CDC42BPA: variants seen among roughly 807,000 people sequenced by gnomAD.
CDC42BPA encodes CDC42 binding protein kinase alpha.
Under a neutral mutation model 223.5 loss-of-function variants are expected in CDC42BPA, and 80 were observed. The observed-to-expected ratio is 0.36, with a 90% CI of 0.30 to 0.43. The LOEUF (loss-of-function observed/expected upper bound fraction) is 0.43, where lower values mean the gene tolerates loss of function less well. Among genes scored for constraint, CDC42BPA ranks in the 20% least tolerant of loss-of-function variants. The pLI is 1.00. For synonymous variants in CDC42BPA, 694 were observed against 718.6 expected (o/e 0.97, Z 0.55); for missense variants, 1,743 against 2,099.9 (o/e 0.83, Z 3.32).
At position 227,016,211 on chromosome 1, in the gene CDC42BPA, C is replaced by T; in HGVS notation, c.4740-14G>A. ...CGTAGCATTTCCCTGTAAGACAAGGCATCTGTTTAGATACTTTTTCCACAG... is the reference window on the plus strand; with the variant it reads ...CGTAGCATTTCCCTGTAAGACAAGGTATCTGTTTAGATACTTTTTCCACAG... On this transcript the variant is annotated splice_polypyrimidine_tract_variant and intron_variant, in intron 33 of 36. Transcript: ENST00000366766. 1 of 1,337,052 alleles carries T rather than the reference C, an allele frequency of 7.5e-7. No individual in the cohort carries two copies. Among genetic ancestry groups the T allele is most frequent in the East Asian group, 2.3e-5 (1 of 43,550 alleles). 82.8% of individuals were successfully genotyped at this position (1,337,052 alleles called of 1,614,324 possible). A position where few individuals can be genotyped will look rare whatever the true frequency, so the allele number is the denominator to read the frequency against.
intron 2 of CDC42BPA, among the ~76,000 whole-genome samples, chr1:227,229,818 T>G (rs1206405627): frequency 6.6e-6 from 1 of 152,240 alleles, no homozygotes; most frequent in Non-Finnish European, 1.5e-5. Flanking sequence ...AGAAGTGAAC[T>G]GTCTTACTGC....
intron 5 of CDC42BPA, among the ~76,000 whole-genome samples, chr1:227,188,378 T>C (rs1238245502): frequency 6.8e-6 from 1 of 146,898 alleles, no homozygotes; most frequent in Non-Finnish European, 1.5e-5. Flanking sequence ...AGTTAAAAAA[T>C]AGAAGTATAA....
At chr1:227,136,724 T>C (rs985169795) in intron 10 of CDC42BPA, among the ~76,000 whole-genome samples, 3 of 152,174 alleles carry the variant, frequency 2.0e-5, no homozygotes, top group African/African-American at 2.4e-5. Context: ...GAAGTTATTA[T>C]AGAAAACAAT....
intron 19 of CDC42BPA, among the ~76,000 whole-genome samples, chr1:227,072,738 T>C (rs1300870699): frequency 1.3e-5 from 2 of 152,056 alleles, no homozygotes; most frequent in Non-Finnish European, 2.9e-5. Flanking sequence ...GTGGAGCACA[T>C]ACAGGAGTAA....
chr1:227,044,464 G>A (rs1157599041), intron 23 of CDC42BPA, among the ~76,000 whole-genome samples: 2 of 152,010 alleles, frequency 1.3e-5, no homozygotes, highest in Admixed American at 6.5e-5. Flanking sequence ...CATACACATG[G>A]TTGAAAAAGT....
intron 1 of CDC42BPA, among the ~76,000 whole-genome samples, chr1:227,298,590 T>C (rs1036888522): frequency 3.3e-5 from 5 of 152,172 alleles, no homozygotes; most frequent in Non-Finnish European, 7.4e-5. Context: ...TAATCAACTG[T>C]TAATATAGAT....
intron 10 of CDC42BPA, among the ~76,000 whole-genome samples, chr1:227,133,847 G>A (rs911110431): frequency 1.3e-5 from 2 of 151,972 alleles, no homozygotes; most frequent in African/African-American, 4.8e-5. Flanking sequence ...AGGGTCCTCT[G>A]CCTAGGAAAA....
chr1:227,290,678 G>T (rs1572891437), intron 1 of CDC42BPA, among the ~76,000 whole-genome samples: 2 of 152,110 alleles, frequency 1.3e-5, no homozygotes, highest in Admixed American at 1.3e-4. Flanking sequence ...GGATGGCATG[G>T]CTGAGAAAGG....
intron 2 of CDC42BPA, chr1:227,235,489 C>G (rs1284517436): frequency 6.6e-6 from 1 of 152,058 alleles, no homozygotes; most frequent in Non-Finnish European, 1.5e-5. Context: ...TCTTTTAGTT[C>G]AGATATAATT....
chr1:227,091,009 G>C (rs770784542), intron 16 of CDC42BPA, among the ~76,000 whole-genome samples: 2 of 152,118 alleles, frequency 1.3e-5, no homozygotes, highest in Non-Finnish European at 2.9e-5. Flanking sequence ...ATGCAAGCTA[G>C]AAATCAGGCT....
At chr1:227,228,569 T>C (rs1677261683) in intron 2 of CDC42BPA, among the ~76,000 whole-genome samples, 2 of 152,340 alleles carry the variant, frequency 1.3e-5, no homozygotes, top group South Asian at 2.1e-4. Flanking sequence ...TGCTGGATCA[T>C]ATGGTAATTC....
intron 1 of CDC42BPA, among the ~76,000 whole-genome samples, chr1:227,271,056 G>GT (rs1337514862): frequency 1.3e-5 from 2 of 152,158 alleles, no homozygotes; most frequent in Non-Finnish European, 2.9e-5. Context: ...ACACTGGCAT[G>GT]TAAGTACCTG....
intron 23 of CDC42BPA, among the ~76,000 whole-genome samples, chr1:227,043,676 C>G (rs1456335459): frequency 1.3e-5 from 2 of 152,080 alleles, no homozygotes; most frequent in Non-Finnish European, 2.9e-5. Context: ...ATACCTTGGA[C>G]ATGTATATAT....
At chr1:227,026,935 A>C (rs1448097331) in intron 30 of CDC42BPA, among the ~76,000 whole-genome samples, 1 of 152,056 alleles carries the variant, frequency 6.6e-6, no homozygotes, top group Non-Finnish European at 1.5e-5. Flanking sequence ...GACAACAGGC[A>C]TGCAACCACT....
At chr1:227,205,199 G>A (rs1672445021) in intron 3 of CDC42BPA, among the ~76,000 whole-genome samples, 1 of 150,010 alleles carries the variant, frequency 6.7e-6, no homozygotes, top group African/African-American at 2.5e-5. Flanking sequence ...AACCCTGAAG[G>A]AGGAGGCTGC....
intron 21 of CDC42BPA, among the ~76,000 whole-genome samples, chr1:227,057,028 A>T (rs550302429): frequency 6.6e-6 from 1 of 152,182 alleles, no homozygotes. Context: ...ACTGATTGGA[A>T]TATCTAGTCT....
intron 14 of CDC42BPA, among the ~76,000 whole-genome samples, chr1:227,106,031 G>T (rs569193999): frequency 2.0e-5 from 3 of 152,212 alleles, no homozygotes; most frequent in African/African-American, 7.2e-5. Flanking sequence ...TTCAAAAGTG[G>T]CTACATTATT....
chr1:227,123,024 C>T (rs1381416464), intron 11 of CDC42BPA, among the ~76,000 whole-genome samples: 3 of 152,200 alleles, frequency 2.0e-5, no homozygotes, highest in Non-Finnish European at 4.4e-5. Flanking sequence ...TGTACTAGGC[C>T]GGGCACCATG....
At chr1:227,062,088 GTA>G (rs929828308) in intron 21 of CDC42BPA, among the ~76,000 whole-genome samples, 2 of 152,148 alleles carry the variant, frequency 1.3e-5, no homozygotes, top group Non-Finnish European at 2.9e-5. Flanking sequence ...GTAATATGAA[GTA>G]TAAAGTTGAG....
Sources: allele counts gnomAD v4.1 joint callset (sites outside exome capture counted in the v4.1 genomes callset), GRCh38; gene constraint gnomAD v4.1.1; transcripts MANE v1.5; gene names NCBI Gene and HGNC (gene_info 2026-07-23, HGNC 2026-07-21).